EPS15: variants seen among roughly 807,000 people sequenced by gnomAD.
EPS15 encodes the protein epidermal growth factor receptor pathway substrate 15.
In EPS15, 72 loss-of-function variants were observed where a neutral mutation model predicts 113.8. The ratio of observed to expected loss-of-function variants is 0.63; its 90% CI spans 0.52 to 0.77. EPS15 has a LOEUF of 0.77. Among genes scored for constraint, EPS15 ranks in the 30% least tolerant of loss-of-function variants. The pLI is 0.00. For synonymous variants in EPS15, 344 were observed against 363.4 expected (o/e 0.95, Z 0.61); for missense variants, 1,048 against 1,045.8 (o/e 1.00, Z -0.03).
intron 1 of EPS15, 48 bp downstream of exon 1, chr1:51,519,151 G>A (rs1644794626): frequency 7.4e-7 from 1 of 1,358,452 alleles, no homozygotes. Flanking sequence ...GGCGGTGGGG[G>A]AGGGGGCACC....
chr1:51,498,495 CTTTGTA>C (rs1644363301), intron 1 of EPS15, among the ~76,000 whole-genome samples: 1 of 152,104 alleles, frequency 6.6e-6, no homozygotes, highest in Non-Finnish European at 1.5e-5. Context: ...ATAAAACATG[CTTTGTA>C]TTAGATGATT....
chr1:51,456,941 A>G (rs1465128689), intron 8 of EPS15, among the ~76,000 whole-genome samples: 1 of 152,188 alleles, frequency 6.6e-6, no homozygotes, highest in Non-Finnish European at 1.5e-5. Context: ...TTAACTGAGC[A>G]AAATCTAGAA....
Position 51,403,505 on chromosome 1 carries a change from A to G in EPS15, c.1705T>C (p.Ser569Pro), listed in dbSNP as rs780584514. 1.2e-6 allele frequency: 2 copies of G among 1,607,614 alleles called. No homozygotes were observed. The highest frequency in any genetic ancestry group is 1.7e-5 in the Admixed American group (1 of 59,150). Residue 569 changes from serine to proline, a missense_variant, in exon 17 of 25, where the codon TCT becomes CCT. Physicochemically the swap from Ser to Pro is moderately conservative, Grantham distance 74. Transcript: ENST00000371733. ...PARSSPELLP[S>P]GVTDENEVTT... ...ACCTCATTTTCATCAGTCACACCAG[A>G]AGGCAGTAGTTCAGGACTACTTCTT...
At chr1:51,404,397 G>GCA (rs1184066136) in intron 16 of EPS15, among the ~76,000 whole-genome samples, 1 of 151,410 alleles carries the variant, frequency 6.6e-6, no homozygotes, top group Non-Finnish European at 1.5e-5. Context: ...AAAAAAAGTA[G>GCA]CAGGGCAATA....
rs760095668 is a variant in EPS15, at chr1:51,445,036, G to A, written c.807C>T (p.Cys269=). ...AAAGCTTCCCACAGTCCTTTGTGTC[G>A]CATAATGACCTGCACAAATAAACAA... is the stretch of plus-strand genomic sequence containing the variant. ...STLLAHIWSL[C]DTKDCGKLSK... The change falls in exon 11 of 25, where the codon TGC becomes TGT. Residue 269 remains cysteine, a synonymous_variant. Coordinates refer to ENST00000371733, the MANE Select transcript of EPS15 (RefSeq NM_001981.3). 8.1e-6 allele frequency: 13 copies of A among 1,612,738 alleles called. No homozygotes were observed. In the East Asian group the frequency reaches 1.3e-4, roughly 17 times the overall value.
intron 24 of EPS15, among the ~76,000 whole-genome samples, chr1:51,358,950 C>T (rs545060801): frequency 2.0e-5 from 3 of 151,840 alleles, no homozygotes; most frequent in Non-Finnish European, 2.9e-5. Flanking sequence ...GTGATCCGCC[C>T]GCTTCGGCCT....
intron 13 of EPS15, among the ~76,000 whole-genome samples, chr1:51,412,340 C>A (rs140483568): frequency 2.1e-4 from 32 of 152,210 alleles, no homozygotes; most frequent in Non-Finnish European, 7.4e-5. Context: ...CAAACCTGTA[C>A]GTTCCACACA....
At chr1:51,418,532 T>G (rs940794096) in intron 13 of EPS15, among the ~76,000 whole-genome samples, 4 of 151,734 alleles carry the variant, frequency 2.6e-5, no homozygotes, top group Admixed American at 1.3e-4. Flanking sequence ...GCAATAAAAG[T>G]AGAGCAAAAT....
intron 1 of EPS15, among the ~76,000 whole-genome samples, chr1:51,482,806 T>C (rs977269291): frequency 1.3e-5 from 2 of 152,018 alleles, no homozygotes; most frequent in East Asian, 1.9e-4. Context: ...GGGCTGAACA[T>C]TGACAATGGC....
intron 5 of EPS15, among the ~76,000 whole-genome samples, chr1:51,465,902 G>A (rs12089745): frequency 0.018 from 2,783 of 151,282 alleles, 86 homozygotes; most frequent in African/African-American, 0.065. Context: ...CAAGCAACTA[G>A]TTACTGGGGA....
intron 5 of EPS15, among the ~76,000 whole-genome samples, chr1:51,465,553 A>C (rs1038039627): frequency 6.6e-6 from 1 of 152,204 alleles, no homozygotes; most frequent in Non-Finnish European, 1.5e-5. Flanking sequence ...TTTGTTTTTG[A>C]GATGGAGTCT....
chr1:51,462,728 T>C lies in EPS15; in HGVS notation c.501+945A>G, dbSNP rs113263133. On this transcript the variant is annotated intron_variant, in intron 7 of 24. Coordinates refer to ENST00000371733, the MANE Select transcript of EPS15 (RefSeq NM_001981.3). The stretch of plus-strand genomic sequence containing the variant: ...GGAAAAGAATTCATGGCGATGGATA[T>C]TGGGGATAGTTGCATAATAATGTAA... 5.0e-3 allele frequency among the ~76,000 whole-genome samples: 761 copies of C among 152,236 alleles called. 3 individuals are homozygous for C. The highest frequency in any genetic ancestry group is 0.018 in the African/African-American group (727 of 41,534).
At chr1:51,497,274 C>A (rs773674362) in intron 1 of EPS15, among the ~76,000 whole-genome samples, 1 of 152,112 alleles carries the variant, frequency 6.6e-6, no homozygotes. Flanking sequence ...AGTCAGCTAG[C>A]AAATTTCTTT....
intron 2 of EPS15, among the ~76,000 whole-genome samples, chr1:51,480,742 C>A (rs1644006161): frequency 6.6e-6 from 1 of 152,138 alleles, no homozygotes; most frequent in African/African-American, 2.4e-5. Flanking sequence ...GAACTCCTGA[C>A]CTCAGGTAAT....
At chr1:51,471,944 C>T (rs904857118) in intron 3 of EPS15, among the ~76,000 whole-genome samples, 2 of 152,050 alleles carry the variant, frequency 1.3e-5, no homozygotes, top group Admixed American at 1.3e-4. Context: ...CCCAGGACAG[C>T]TTTGCACGTG....
At chr1:51,499,379 G>T (rs571841916) in intron 1 of EPS15, among the ~76,000 whole-genome samples, 1 of 151,434 alleles carries the variant, frequency 6.6e-6, no homozygotes, top group Non-Finnish European at 1.5e-5. Flanking sequence ...AGCTCTTCAC[G>T]GACACTTGGG....
At chr1:51,509,056 G>A (rs1421877907) in intron 1 of EPS15, among the ~76,000 whole-genome samples, 1 of 151,986 alleles carries the variant, frequency 6.6e-6, no homozygotes. Flanking sequence ...CTTTATCACA[G>A]TACTTGTCAC....
intron 1 of EPS15, among the ~76,000 whole-genome samples, chr1:51,518,006 C>T (rs1392457599): frequency 6.6e-6 from 1 of 152,154 alleles, no homozygotes; most frequent in Admixed American, 6.5e-5. Flanking sequence ...ACCGACGAAT[C>T]TAGGCCAAGG....
chr1:51,441,641 T>C (rs980575237), intron 11 of EPS15, among the ~76,000 whole-genome samples: 1 of 152,110 alleles, frequency 6.6e-6, no homozygotes, highest in Non-Finnish European at 1.5e-5. Context: ...CATATTTATA[T>C]ACTCATTTAC....
Sources: gnomAD v4.1 joint callset for allele counts (sites outside exome capture counted in the v4.1 genomes callset) on GRCh38, gnomAD v4.1.1 for gene constraint, MANE v1.5 for transcripts, NCBI Gene and HGNC (gene_info 2026-07-23, HGNC 2026-07-21) for gene names.